The following CLCN4 variants were observed in gnomAD, a reference collection of about 807,000 sequenced individuals.
CLCN4 encodes Cl-/H+ antiporter 4.
CLCN4 carries 1 observed loss-of-function variant against 41.7 expected under a neutral mutation model. The ratio of observed to expected loss-of-function variants is 0.02; its 90% CI spans 0.01 to 0.11. CLCN4 has a LOEUF of 0.11. Ranked by LOEUF, CLCN4 falls within the 10% of genes least tolerant of loss-of-function variation. CLCN4 has a pLI of 1.00. For missense variants in CLCN4, 287 were observed against 661.0 expected, an observed-to-expected ratio of 0.43 and a Z score of 6.20; for synonymous variants, 277 against 285.8, an observed-to-expected ratio of 0.97 and a Z score of 0.31.
At chrX:10,212,037 G>T (rs888266124) in intron 9 of CLCN4, among the ~76,000 whole-genome samples, 20 of 111,559 alleles carry the variant, frequency 1.8e-4, no homozygotes, top group African/African-American at 5.2e-4. Flanking sequence ...ATTTTACCTG[G>T]GAGCAGTCGC....
chrX:10,162,005 A>G (rs895342242), intron 2 of CLCN4, among the ~76,000 whole-genome samples: 5 of 94,209 alleles, frequency 5.3e-5, no homozygotes, highest in Middle Eastern at 5.1e-3. Flanking sequence ...CTTCAGGCCC[A>G]GTTGAGTCTT....
chrX:10,222,972 C>T (rs2147188800), intron 12 of CLCN4, among the ~76,000 whole-genome samples: 1 of 111,663 alleles, frequency 9.0e-6, no homozygotes, highest in Non-Finnish European at 1.9e-5. Context: ...TAAAGGAGCT[C>T]AAGTGGTTTT....
intron 2 of CLCN4, among the ~76,000 whole-genome samples, chrX:10,167,035 T>C (rs777478973): frequency 8.9e-6 from 1 of 111,828 alleles, no homozygotes; most frequent in Non-Finnish European, 1.9e-5. Flanking sequence ...ACACAGGGAG[T>C]GCTGGGGGCA....
At chrX:10,225,636 C>T (rs1924970506) in intron 12 of CLCN4, among the ~76,000 whole-genome samples, 1 of 112,045 alleles carries the variant, frequency 8.9e-6, no homozygotes, top group Non-Finnish European at 1.9e-5. Flanking sequence ...GTTGCAATTG[C>T]TTTTGAGGTT....
chrX:10,207,677 C>T (rs770068254), intron 8 of CLCN4, among the ~76,000 whole-genome samples: 1 of 112,359 alleles, frequency 8.9e-6, no homozygotes, highest in African/African-American at 3.2e-5. Context: ...AATGCATTCA[C>T]TGGGCTGCAC....
At chrX:10,182,850 C>A (rs1316169168) in intron 2 of CLCN4, among the ~76,000 whole-genome samples, 1 of 112,606 alleles carries the variant, frequency 8.9e-6, no homozygotes, top group African/African-American at 3.2e-5. Context: ...ACTGCATGTT[C>A]CGTCAAAGTT....
At chrX:10,222,658 A>G (rs186701044) in intron 12 of CLCN4, among the ~76,000 whole-genome samples, 3 of 111,481 alleles carry the variant, frequency 2.7e-5, no homozygotes, top group Non-Finnish European at 5.7e-5. Flanking sequence ...ACAACAAAAC[A>G]TCTGGCCCAA....
intron 6 of CLCN4, among the ~76,000 whole-genome samples, chrX:10,202,701 G>A (rs941140998): frequency 1.9e-5 from 2 of 105,538 alleles, no homozygotes; most frequent in East Asian, 3.0e-4. Context: ...TTGCACGTGG[G>A]ACTTGAGAGA....
At chrX:10,221,002 C>T in intron 12 of CLCN4, 125 bp downstream of exon 12, 1 of 580,458 alleles carries the variant, frequency 1.7e-6, no homozygotes. Context: ...TGGCAGTAAG[C>T]TGTGGTGAAT....
At chrX:10,223,837 G>T (rs1051745727) in intron 12 of CLCN4, among the ~76,000 whole-genome samples, 1 of 112,035 alleles carries the variant, frequency 8.9e-6, no homozygotes, top group Non-Finnish European at 1.9e-5. Flanking sequence ...TGGTCCACAG[G>T]GGCCTGGACA....
intron 12 of CLCN4, among the ~76,000 whole-genome samples, chrX:10,230,048 A>G (rs1417917790): frequency 1.8e-5 from 2 of 112,206 alleles, no homozygotes; most frequent in African/African-American, 6.5e-5. Flanking sequence ...TGCTATTTGT[A>G]TGTCTTCTTT....
rs759089094 is a variant in CLCN4 at position 10,202,638 on chromosome X, C to CAAAAAA, written c.556-3693_556-3688dup. 3.1e-4 allele frequency among the ~76,000 whole-genome samples: 6 copies of CAAAAAA among 19,647 alleles called. 1 individual carries two copies. Among genetic ancestry groups the CAAAAAA allele is most frequent in the Non-Finnish European group, 4.6e-4 (5 of 10,809 alleles). The allele number at this position is 19,647 out of a possible 115,157, so 17.1% of individuals were successfully genotyped here. A position where few individuals can be genotyped will look rare whatever the true frequency, so the allele number is the denominator to read the frequency against. On this transcript the variant is annotated intron_variant, in intron 6 of 12. Transcript: ENST00000380833. ...TGGGTGACAGAGCCAGACCCTGCCTCAAAAAAAAAAAAAAAAAAAAAAAAA... is the reference window on the plus strand; with the variant it reads ...TGGGTGACAGAGCCAGACCCTGCCTCAAAAAAAAAAAAAAAAAAAAAAAAAAAAAAA...
chrX:10,166,134 G>A (rs1470745414), intron 2 of CLCN4, among the ~76,000 whole-genome samples: 1 of 112,151 alleles, frequency 8.9e-6, no homozygotes, highest in East Asian at 2.8e-4. Context: ...CACCTGCACT[G>A]TCTTCAGCAG....
At chrX:10,233,027 C>A (rs933756367) in intron 12 of CLCN4, among the ~76,000 whole-genome samples, 3 of 111,893 alleles carry the variant, frequency 2.7e-5, no homozygotes, top group Admixed American at 9.5e-5. Context: ...CTTTCATAAA[C>A]CCTTTTAAAA....
intron 2 of CLCN4, among the ~76,000 whole-genome samples, chrX:10,162,121 C>T (rs5979271): frequency 0.02 from 2,106 of 106,761 alleles, 43 homozygotes; most frequent in African/African-American, 0.054. Flanking sequence ...TGGGTTCAAG[C>T]GATTGTCATG....
intron 9 of CLCN4, among the ~76,000 whole-genome samples, chrX:10,209,261 T>A (rs1290086178): frequency 2.2e-5 from 2 of 88,911 alleles, no homozygotes; most frequent in Non-Finnish European, 4.2e-5. Flanking sequence ...ACATGCTTTC[T>A]TTTCCTCCTC....
At chrX:10,205,452 A>G (rs1311706971) in intron 6 of CLCN4, among the ~76,000 whole-genome samples, 5 of 98,132 alleles carry the variant, frequency 5.1e-5, no homozygotes, top group African/African-American at 1.5e-4. Flanking sequence ...CAGCCTGGGC[A>G]ACAGTGCAAG....
At chrX:10,211,301 A>T (rs1924547557) in intron 9 of CLCN4, among the ~76,000 whole-genome samples, 1 of 106,530 alleles carries the variant, frequency 9.4e-6, no homozygotes, top group African/African-American at 3.4e-5. Flanking sequence ...AAAAAATTCT[A>T]AGAAGTTGTT....
intron 11 of CLCN4, among the ~76,000 whole-genome samples, chrX:10,218,615 T>C (rs944212856): frequency 4.4e-5 from 5 of 112,804 alleles, no homozygotes; most frequent in African/African-American, 1.6e-4. Flanking sequence ...TGAGAGCAGA[T>C]GTTTCACCCT....
Sources: allele counts gnomAD v4.1 joint callset (sites outside exome capture counted in the v4.1 genomes callset), GRCh38; gene constraint gnomAD v4.1.1; transcripts MANE v1.5; gene names NCBI Gene and HGNC (gene_info 2026-07-23, HGNC 2026-07-21).